The following LSAMP variants were observed in gnomAD, a reference collection of about 807,000 sequenced individuals.
The protein encoded by LSAMP is limbic system-associated membrane protein.
LSAMP carries 7 observed loss-of-function variants against 38.6 expected under a neutral mutation model. The observed-to-expected ratio is 0.18, with a 90% CI of 0.10 to 0.34. The LOEUF is 0.34. Among genes scored for constraint, LSAMP ranks in the 10% least tolerant of loss-of-function variants. LSAMP has a pLI of 1.00. For synonymous variants in LSAMP, 154 were observed against 166.8 expected, an observed-to-expected ratio of 0.92 and a Z score of 0.59; for missense variants, 313 against 420.0, an observed-to-expected ratio of 0.75 and a Z score of 2.23.
chr3:116,110,169 G>A (rs1708570224), intron 1 of LSAMP, among the ~76,000 whole-genome samples: 1 of 151,708 alleles, frequency 6.6e-6, no homozygotes, highest in African/African-American at 2.4e-5. Context: ...AAGGGGTAGA[G>A]ACAAGGAGAG....
chr3:115,998,933 C>G (rs1436183942), intron 3 of LSAMP, among the ~76,000 whole-genome samples: 1 of 151,920 alleles, frequency 6.6e-6, no homozygotes, highest in Non-Finnish European at 1.5e-5. Context: ...GAAAAGTCAC[C>G]CTTCAAAAAA....
chr3:116,235,664 T>A (rs981515575), intron 1 of LSAMP, among the ~76,000 whole-genome samples: 6 of 152,216 alleles, frequency 3.9e-5, no homozygotes, highest in African/African-American at 1.4e-4. Context: ...TTATATGTTA[T>A]TTCATGAAAC....
chr3:115,915,307 A>G (rs763783435), intron 3 of LSAMP, among the ~76,000 whole-genome samples: 7 of 152,230 alleles, frequency 4.6e-5, no homozygotes, highest in Non-Finnish European at 8.8e-5. Context: ...GGTGATAAAT[A>G]TAGAAGTAGA....
At chr3:115,940,782 C>T (rs1937892424) in intron 3 of LSAMP, among the ~76,000 whole-genome samples, 1 of 152,062 alleles carries the variant, frequency 6.6e-6, no homozygotes, top group Non-Finnish European at 1.5e-5. Flanking sequence ...GCTTTCATGC[C>T]AGTATTATGC....
intron 3 of LSAMP, among the ~76,000 whole-genome samples, chr3:115,985,540 C>A (rs1482063743): frequency 6.6e-6 from 1 of 152,184 alleles, no homozygotes; most frequent in South Asian, 2.1e-4. Context: ...ATACCTCGTA[C>A]CCATGTTATC....
intron 1 of LSAMP, among the ~76,000 whole-genome samples, chr3:116,272,614 T>C (rs1447469493): frequency 5.3e-5 from 8 of 152,178 alleles, no homozygotes; most frequent in Non-Finnish European, 1.2e-4. Flanking sequence ...GTTGCTGTTA[T>C]CCATGGTGTT....
At chr3:116,187,815 CA>C (rs1006091081) in intron 1 of LSAMP, among the ~76,000 whole-genome samples, 9 of 151,866 alleles carry the variant, frequency 5.9e-5, no homozygotes, top group African/African-American at 1.9e-4. Context: ...ATTTTATGTT[CA>C]GGGGTACATG....
intron 3 of LSAMP, among the ~76,000 whole-genome samples, chr3:115,939,570 T>TTCTTTCTTTCTTTCTTTCTCTC (rs1553751076): frequency 1.5e-5 from 2 of 136,764 alleles, no homozygotes; most frequent in Admixed American, 7.8e-5. Context: ...CTTTCTTTCT[T>TTCTTTCTTTCTTTCTTTCTCTC]TCTTTCTTTC....
chr3:115,986,358 A>T (rs1217214877), intron 3 of LSAMP, among the ~76,000 whole-genome samples: 1 of 152,174 alleles, frequency 6.6e-6, no homozygotes, highest in Non-Finnish European at 1.5e-5. Context: ...CGAGTTGCTG[A>T]CTAGAAGCAA....
At chr3:116,291,961 T>C (rs2047272491) in intron 1 of LSAMP, among the ~76,000 whole-genome samples, 1 of 152,170 alleles carries the variant, frequency 6.6e-6, no homozygotes, top group South Asian at 2.1e-4. Context: ...TCTTTTCTTA[T>C]TCTCTTCTTC....
intron 3 of LSAMP, among the ~76,000 whole-genome samples, chr3:115,866,854 C>A (rs900132322): frequency 3.9e-5 from 6 of 152,000 alleles, no homozygotes; most frequent in Non-Finnish European, 8.8e-5. Context: ...TTTTGCAATG[C>A]AAATATTAAT....
intron 3 of LSAMP, among the ~76,000 whole-genome samples, chr3:115,872,306 T>C (rs1033786691): frequency 3.9e-5 from 6 of 152,140 alleles, no homozygotes; most frequent in African/African-American, 1.2e-4. Context: ...ATCAAAGATA[T>C]CTAAATCACT....
intron 1 of LSAMP, among the ~76,000 whole-genome samples, chr3:116,170,745 G>T (rs1359516170): frequency 6.6e-6 from 1 of 152,134 alleles, no homozygotes; most frequent in Non-Finnish European, 1.5e-5. Flanking sequence ...CTACTTGGAT[G>T]ATTTTGGCTA....
At chr3:116,229,866 A>C (rs1021102468) in intron 1 of LSAMP, among the ~76,000 whole-genome samples, 2 of 152,156 alleles carry the variant, frequency 1.3e-5, no homozygotes, top group African/African-American at 4.8e-5. Context: ...GGAGCATAGC[A>C]GTTATTGACT....
chr3:116,099,679 T>TGTA (rs1559741931), intron 1 of LSAMP, among the ~76,000 whole-genome samples: 1 of 152,184 alleles, frequency 6.6e-6, no homozygotes, highest in Non-Finnish European at 1.5e-5. Flanking sequence ...ATTTGTCCTA[T>TGTA]GTAACCTCTT....
chr3:116,074,534 A>C (rs1268060429), intron 2 of LSAMP, among the ~76,000 whole-genome samples: 1 of 152,198 alleles, frequency 6.6e-6, no homozygotes, highest in Admixed American at 6.5e-5. Context: ...CAAATGATAC[A>C]AATATATTTT....
rs534432731 is a variant in LSAMP, at chr3:115,853,015, C to T, written c.515-398G>A. Among the ~76,000 whole-genome samples, 19 of 152,232 alleles carry T rather than the reference C, an allele frequency of 1.2e-4. No homozygotes were observed. The South Asian group carries it at 3.7e-3, about 30-fold the overall frequency. ...GTGTTCATAGGTGCATGCACTCACT[C>T]GTCGCTGGTTAAGGGTTTCGAACAA... On this transcript the variant is annotated intron_variant, in intron 3 of 6. Transcript: ENST00000490035.
chr3:116,356,523 A>G (rs1367622984), intron 1 of LSAMP, among the ~76,000 whole-genome samples: 1 of 152,198 alleles, frequency 6.6e-6, no homozygotes, highest in Non-Finnish European at 1.5e-5. Flanking sequence ...AGTATTTGAT[A>G]GCACAACAGG....
chr3:115,810,227 CTCTCTCTCTCTCTCTCTG>C lies in LSAMP; in HGVS notation c.*72_*89del. ...GAAATAAACGGTCTCCCCCATCTCT[CTCTCTCTCTCTCTCTCTG>C]TCTCTCTCTCTCTGTATTCTGTGTG... On this transcript the variant is annotated 3_prime_UTR_variant, in exon 7 of 7. Transcript: ENST00000490035. 1.2e-6 allele frequency: 1 copy of C among 865,044 alleles called. No homozygotes were observed. Among genetic ancestry groups the C allele is most frequent in the Admixed American group, 2.7e-5 (1 of 36,970 alleles). The allele number at this position is 865,044 out of a possible 1,614,324, so 53.6% of individuals were successfully genotyped here. A position where few individuals can be genotyped will look rare whatever the true frequency, so the allele number is the denominator to read the frequency against.
Sources: gnomAD v4.1 joint callset for allele counts (sites outside exome capture counted in the v4.1 genomes callset) on GRCh38, gnomAD v4.1.1 for gene constraint, MANE v1.5 for transcripts, NCBI Gene and HGNC (gene_info 2026-07-23, HGNC 2026-07-21) for gene names.